Variants in KCNMA1 observed in about 807,000 individuals in gnomAD.
KCNMA1 encodes potassium calcium-activated channel subfamily M alpha 1, also known as Calcium-activated potassium channel subunit alpha-1.
Under a neutral mutation model 140.0 loss-of-function variants are expected in KCNMA1, and 29 were observed. The observed-to-expected ratio is 0.21, with a 90% CI of 0.15 to 0.28. The LOEUF (loss-of-function observed/expected upper bound fraction) is 0.28, where lower values mean the gene tolerates loss of function less well. Among genes scored for constraint, KCNMA1 ranks in the 10% least tolerant of loss-of-function variants. KCNMA1 has a pLI of 1.00. For synonymous variants in KCNMA1, 612 were observed against 611.9 expected, an observed-to-expected ratio of 1.00 and a Z score of 0.00; for missense variants, 880 against 1,602.2, an observed-to-expected ratio of 0.55 and a Z score of 7.70.
chr10:77,195,964 A>T (rs2040326700), intron 3 of KCNMA1, among the ~76,000 whole-genome samples: 1 of 152,126 alleles, frequency 6.6e-6, no homozygotes, highest in South Asian at 2.1e-4. Context: ...GAAAAATAAT[A>T]ATAAATAGCT....
chr10:76,881,681 A>G (rs1042689726), downstream of KCNMA1, among the ~76,000 whole-genome samples: 2 of 152,210 alleles, frequency 1.3e-5, no homozygotes, highest in African/African-American at 2.4e-5. Context: ...GGATGATGTA[A>G]GCATGGGTCG....
At chr10:77,354,881 AT>A (rs772167301) in intron 2 of KCNMA1, among the ~76,000 whole-genome samples, 1 of 152,218 alleles carries the variant, frequency 6.6e-6, no homozygotes, top group Non-Finnish European at 1.5e-5. Flanking sequence ...AAGAGAGACT[AT>A]GGAAACTTCA....
chr10:77,122,903 G>C (rs1281100730), intron 5 of KCNMA1, among the ~76,000 whole-genome samples: 1 of 152,078 alleles, frequency 6.6e-6, no homozygotes, highest in Non-Finnish European at 1.5e-5. Flanking sequence ...TGTTGGCCGG[G>C]CACGGTGGCT....
chr10:77,261,579 A>T (rs2062016380), intron 2 of KCNMA1, among the ~76,000 whole-genome samples: 1 of 152,208 alleles, frequency 6.6e-6, no homozygotes, highest in South Asian at 2.1e-4. Flanking sequence ...GGCTTAATTT[A>T]TTATAACTGA....
In KCNMA1 at chr10:77,557,665, T is replaced by G. The variant is rs1314505234; in HGVS notation, c.378+79600A>C. On this transcript the variant is annotated intron_variant, in intron 1 of 27. Coordinates refer to ENST00000286628, the MANE Select transcript of KCNMA1 (RefSeq NM_001161352.2). The stretch of plus-strand genomic sequence containing the variant: ...AAGTGATTTTTTTTTTTTTTTTTTT[T>G]GCATGGAATTTCGTTCTTGTCACCC... Among the ~76,000 whole-genome samples, 7 of 109,352 alleles carry G rather than the reference T, an allele frequency of 6.4e-5. No homozygotes were observed. In the Admixed American group the frequency reaches 6.7e-4, roughly 10 times the overall value. 71.7% of individuals were successfully genotyped at this position (109,352 alleles called of 152,430 possible).
At chr10:77,528,227 A>T (rs183254579) in intron 1 of KCNMA1, among the ~76,000 whole-genome samples, 2 of 152,314 alleles carry the variant, frequency 1.3e-5, no homozygotes, top group Admixed American at 1.3e-4. Context: ...GACCTGAAAC[A>T]CATCCTCAAG....
intron 1 of KCNMA1, among the ~76,000 whole-genome samples, chr10:77,488,760 C>T (rs751116717): frequency 6.6e-6 from 1 of 152,046 alleles, no homozygotes; most frequent in Non-Finnish European, 1.5e-5. Flanking sequence ...GCCATGTTCT[C>T]TGGAAACCAG....
At chr10:77,384,521 C>T (rs927368019) in intron 2 of KCNMA1, among the ~76,000 whole-genome samples, 9 of 152,188 alleles carry the variant, frequency 5.9e-5, no homozygotes, top group South Asian at 2.1e-4. Flanking sequence ...GGAATGATGA[C>T]GTACCTTTAC....
intron 1 of KCNMA1, among the ~76,000 whole-genome samples, chr10:77,487,590 A>G (rs1280394752): frequency 1.3e-5 from 2 of 152,268 alleles, no homozygotes; most frequent in East Asian, 3.9e-4. Flanking sequence ...ATTAGATTAA[A>G]TGGTCATTGT....
chr10:76,874,674 C>A (rs2032033064), downstream of KCNMA1: 1 of 152,152 alleles, frequency 6.6e-6, no homozygotes, highest in African/African-American at 2.4e-5. Context: ...AATCTTCAAT[C>A]AATTTTTTTA....
At chr10:77,410,861 C>G (rs1188105907) in intron 1 of KCNMA1, among the ~76,000 whole-genome samples, 1 of 152,262 alleles carries the variant, frequency 6.6e-6, no homozygotes, top group Non-Finnish European at 1.5e-5. Context: ...CTCACTTTGT[C>G]CATGAGCTCT....
intron 25 of KCNMA1, among the ~76,000 whole-genome samples, chr10:76,892,255 A>G (rs1342530490): frequency 6.6e-6 from 1 of 152,218 alleles, no homozygotes; most frequent in Admixed American, 6.5e-5. Flanking sequence ...GATCAATTAA[A>G]TATGCCGGAT....
chr10:77,363,167 A>G (rs1190528140), intron 2 of KCNMA1, among the ~76,000 whole-genome samples: 1 of 151,536 alleles, frequency 6.6e-6, no homozygotes. Flanking sequence ...ACTCCAGTTT[A>G]CTCCAGCTAA....
At chr10:77,277,808 C>G (rs1411836254) in intron 2 of KCNMA1, among the ~76,000 whole-genome samples, 1 of 152,212 alleles carries the variant, frequency 6.6e-6, no homozygotes, top group Non-Finnish European at 1.5e-5. Flanking sequence ...ACCCCAAGTA[C>G]CACAATTGGA....
chr10:77,446,482 T>C (rs1401768534), intron 1 of KCNMA1, among the ~76,000 whole-genome samples: 1 of 152,084 alleles, frequency 6.6e-6, no homozygotes, highest in East Asian at 1.9e-4. Flanking sequence ...TGAAGAGAAA[T>C]GAATGAAAGG....
At chr10:76,881,038 C>T (rs1443112715), downstream of KCNMA1, among the ~76,000 whole-genome samples, 3 of 151,424 alleles carry the variant, frequency 2.0e-5, no homozygotes, top group African/African-American at 4.8e-5. Context: ...TCATTTCAGT[C>T]TGTGGCTGGG....
intron 23 of KCNMA1, among the ~76,000 whole-genome samples, chr10:76,941,102 G>GAA (rs879886205): frequency 1.5e-5 from 1 of 66,058 alleles, no homozygotes; most frequent in Non-Finnish European, 2.9e-5. Context: ...AAAGAAAGAA[G>GAA]GGAGGGAGGG....
intron 1 of KCNMA1, among the ~76,000 whole-genome samples, chr10:77,469,884 C>T (rs372886968): frequency 3.3e-5 from 5 of 152,180 alleles, no homozygotes; most frequent in African/African-American, 9.7e-5. Flanking sequence ...CCACAGTGGC[C>T]GGGAAGCCGC....
chr10:77,625,359 C>T (rs533346777), intron 1 of KCNMA1, among the ~76,000 whole-genome samples: 4 of 151,872 alleles, frequency 2.6e-5, no homozygotes, highest in Admixed American at 2.0e-4. Context: ...CCAGCCTGGG[C>T]GACAGAGCGA....
Sources: gnomAD v4.1 joint callset for allele counts (sites outside exome capture counted in the v4.1 genomes callset) on GRCh38, gnomAD v4.1.1 for gene constraint, MANE v1.5 for transcripts, NCBI Gene and HGNC (gene_info 2026-07-23, HGNC 2026-07-21) for gene names.